The following COL4A3 variants were observed in gnomAD, a reference collection of about 807,000 sequenced individuals.
COL4A3 encodes collagen type IV alpha 3 chain.
Under a neutral mutation model 217.4 loss-of-function variants are expected in COL4A3, and 135 were observed. That is an observed-to-expected ratio of 0.62 (90% CI 0.54 to 0.72). The LOEUF (loss-of-function observed/expected upper bound fraction) is 0.72. COL4A3 is among the 30% of genes least tolerant of loss of function. The pLI is 0.00. For synonymous variants in COL4A3, 690 were observed against 736.3 expected (o/e 0.94, Z 1.02); for missense variants, 1,868 against 2,119.9 (o/e 0.88, Z 2.33).
intron 1 of COL4A3, among the ~76,000 whole-genome samples, chr2:227,220,061 T>A (rs2067700877): frequency 6.6e-6 from 1 of 151,966 alleles, no homozygotes; most frequent in East Asian, 1.9e-4. Context: ...AAGATTTGAA[T>A]CTTACCCACA....
intron 1 of COL4A3, among the ~76,000 whole-genome samples, chr2:227,209,897 A>G (rs1382590606): frequency 6.6e-6 from 1 of 152,284 alleles, no homozygotes; most frequent in East Asian, 1.9e-4. Context: ...TGTCCTGTTC[A>G]GTTTCTTTTT....
chr2:227,242,926 A>G (rs2069113522), intron 3 of COL4A3, among the ~76,000 whole-genome samples: 1 of 152,054 alleles, frequency 6.6e-6, no homozygotes, highest in African/African-American at 2.4e-5. Context: ...CCTTCTTCCG[A>G]TCCTAATTTT....
chr2:227,246,277 A>G, intron 6 of COL4A3: 3 of 544,100 alleles, frequency 5.5e-6, no homozygotes, highest in Non-Finnish European at 9.8e-6. Context: ...TGTGTGTATA[A>G]ATCAGAAACC....
intron 51 of COL4A3, 142 bp from the exon 52 acceptor site, chr2:227,311,644 C>G (rs532970109): frequency 9.8e-6 from 7 of 710,988 alleles, no homozygotes; most frequent in East Asian, 9.2e-5. Flanking sequence ...TCCCAAATTG[C>G]TGGGATTACA....
intron 9 of COL4A3, among the ~76,000 whole-genome samples, chr2:227,249,212 G>GTGTATATATATATATA (rs1199261361): frequency 2.4e-4 from 8 of 33,232 alleles, no homozygotes; most frequent in African/African-American, 5.2e-4. Flanking sequence ...AAATTAGCTA[G>GTGTATATATATATATA]TATATATATA....
chr2:227,294,890 G>A, intron 39 of COL4A3, 74 bp from the exon 40 acceptor site: 1 of 1,157,606 alleles, frequency 8.6e-7, no homozygotes, highest in South Asian at 1.2e-5. Context: ...TTCCCATTAG[G>A]CCACTGGCAA....
At chr2:227,280,281 C>T (rs966274142) in intron 29 of COL4A3, among the ~76,000 whole-genome samples, 159 bp from the exon 30 acceptor site, 2 of 152,172 alleles carry the variant, frequency 1.3e-5, no homozygotes, top group Non-Finnish European at 2.9e-5. Context: ...TATTATTAAA[C>T]ATAATCTTAC....
Position 227,203,064 on chromosome 2 carries a change from CATATATGTGTATATATGTGT to C in COL4A3, c.88-34887_88-34868del, listed in dbSNP as rs1205818146. 2.4e-3 allele frequency among the ~76,000 whole-genome samples: 20 copies of C among 8,436 alleles called. 4 individuals carry two copies. In the East Asian group the frequency reaches 0.059, roughly 25 times the overall value. 5.5% of individuals were successfully genotyped at this position (8,436 alleles called of 152,430 possible). A position where few individuals can be genotyped will look rare whatever the true frequency, so the allele number is the denominator to read the frequency against. ...ATATGTGTATATATGTGTATATATA[CATATATGTGTATATATGTGT>C]ATATATGTGTATATATACATATATG... is the stretch of plus-strand genomic sequence containing the variant. On this transcript the variant is annotated intron_variant, in intron 1 of 51. Coordinates refer to ENST00000396578, the MANE Select transcript of COL4A3 (RefSeq NM_000091.5).
chr2:227,217,324 G>T (rs2067562978), intron 1 of COL4A3, among the ~76,000 whole-genome samples: 1 of 152,208 alleles, frequency 6.6e-6, no homozygotes, highest in Non-Finnish European at 1.5e-5. Flanking sequence ...AGATTTGGGT[G>T]GGGACACAGC....
At chr2:227,208,439 A>T (rs11898214) in intron 1 of COL4A3, among the ~76,000 whole-genome samples, 5 of 151,762 alleles carry the variant, frequency 3.3e-5, no homozygotes, top group African/African-American at 1.2e-4. Flanking sequence ...AGCTAACCCC[A>T]CCCAGACCTG....
At chr2:227,201,980 T>A (rs2125738891) in intron 1 of COL4A3, among the ~76,000 whole-genome samples, 1 of 152,322 alleles carries the variant, frequency 6.6e-6, no homozygotes. Flanking sequence ...CCTTTAACCA[T>A]TAACCTGAAT....
intron 1 of COL4A3, among the ~76,000 whole-genome samples, chr2:227,231,744 C>T (rs2068417491): frequency 6.6e-6 from 1 of 152,192 alleles, no homozygotes; most frequent in African/African-American, 2.4e-5. Flanking sequence ...GTTACCCAGG[C>T]TGGTCTCGAA....
Position 227,191,097 on chromosome 2 carries a change from A to G in COL4A3, c.87+26284A>G, listed in dbSNP as rs1577061194. On this transcript the variant is annotated intron_variant, in intron 1 of 51. Transcript: ENST00000396578. This position sits in a 1 kb window ranked among gnomAD's most constrained non-coding sequence, Gnocchi z 6.8. ...GTCTTTTTTCTCTTAAAAATAGACT[A>G]CATAAATAATACGTATATGGCCATG... Among the ~76,000 whole-genome samples the G allele has an allele frequency of 6.6e-6, 1 of 152,320 alleles. No individual in the cohort carries two copies. The highest frequency in any genetic ancestry group is 2.4e-5 in the African/African-American group (1 of 41,574).
At chr2:227,180,096 C>T (rs545266510) in intron 1 of COL4A3, among the ~76,000 whole-genome samples, 1 of 152,172 alleles carries the variant, frequency 6.6e-6, no homozygotes, top group Non-Finnish European at 1.5e-5. Context: ...TTACTGTCTT[C>T]TACTTTATGC....
chr2:227,181,782 G>C (rs771944965), intron 1 of COL4A3, among the ~76,000 whole-genome samples: 8 of 151,998 alleles, frequency 5.3e-5, no homozygotes, highest in Non-Finnish European at 1.0e-4. Context: ...TTTTTAACAA[G>C]GCTATGATGA....
chr2:227,212,160 T>TG (rs1021184656), intron 1 of COL4A3, among the ~76,000 whole-genome samples: 7 of 125,982 alleles, frequency 5.6e-5, no homozygotes, highest in South Asian at 2.3e-4. Context: ...CTGTTTTTTT[T>TG]GTTTTTTTTT....
At position 227,269,897 on chromosome 2, in the gene COL4A3, C is replaced by T. The variant is rs1212726642; in HGVS notation, c.1505-13C>T. On this transcript the variant is annotated splice_polypyrimidine_tract_variant and intron_variant, in intron 23 of 51. Coordinates refer to ENST00000396578, the MANE Select transcript of COL4A3 (RefSeq NM_000091.5). ...TTCAATGAGGAGTTAGTTAATAATT[C>T]GTTGATTTGCAGGAAGACAAGGCGC... 19 of 1,612,612 alleles carry T rather than the reference C, an allele frequency of 1.2e-5. No homozygotes were observed. Among genetic ancestry groups the T allele is most frequent in the Non-Finnish European group, 1.4e-5 (16 of 1,178,866 alleles).
intron 38 of COL4A3, among the ~76,000 whole-genome samples, 171 bp downstream of exon 38, chr2:227,293,488 A>G (rs376156021): frequency 6.6e-6 from 1 of 152,236 alleles, no homozygotes; most frequent in Admixed American, 6.5e-5. Context: ...AGAGAGCCCA[A>G]TTTTACTAAT....
At chr2:227,277,425 T>A (rs778549588) in intron 27 of COL4A3, 24 bp from the exon 28 acceptor site, 5 of 1,391,258 alleles carry the variant, frequency 3.6e-6, no homozygotes, top group Non-Finnish European at 5.1e-6. Flanking sequence ...GATGTGGAGA[T>A]GCATATGTGT....
Sources: allele counts gnomAD v4.1 joint callset (sites outside exome capture counted in the v4.1 genomes callset), GRCh38; gene constraint gnomAD v4.1.1; non-coding constraint Gnocchi (gnomAD v3.1); transcripts MANE v1.5; gene names NCBI Gene and HGNC (gene_info 2026-07-23, HGNC 2026-07-21).